Variants in NPNT observed in about 807,000 individuals in gnomAD.
The protein encoded by NPNT is preosteoblast EGF-like repeat protein with MAM domain.
Under a neutral mutation model 68.6 loss-of-function variants are expected in NPNT, and 45 were observed. The observed-to-expected ratio is 0.66, with a 90% CI of 0.52 to 0.84. The LOEUF is 0.84. Among genes scored for constraint, NPNT ranks in the 40% least tolerant of loss-of-function variants. NPNT has a pLI of 0.00. For missense variants in NPNT, 672 were observed against 714.8 expected (o/e 0.94, Z 0.68); for synonymous variants, 233 against 253.3 (o/e 0.92, Z 0.76).
intron 8 of NPNT, among the ~76,000 whole-genome samples, chr4:105,953,533 T>C (rs534208117): frequency 6.6e-6 from 1 of 152,330 alleles, no homozygotes; most frequent in South Asian, 2.1e-4. Flanking sequence ...CCAGCCCTTT[T>C]ATTTGCTTTT....
At chr4:105,920,850 A>G (rs189743591) in intron 2 of NPNT, among the ~76,000 whole-genome samples, 1 of 152,270 alleles carries the variant, frequency 6.6e-6, no homozygotes, top group Admixed American at 6.5e-5. Context: ...TGAGTAATTG[A>G]CATTCGTATT....
At chr4:105,909,732 G>T (rs1727203257) in intron 2 of NPNT, among the ~76,000 whole-genome samples, 1 of 152,142 alleles carries the variant, frequency 6.6e-6, no homozygotes, top group South Asian at 2.1e-4. Flanking sequence ...GAAAATTAAG[G>T]TTGGGGTATG....
At chr4:105,950,483 C>T (rs1213429190) in intron 8 of NPNT, among the ~76,000 whole-genome samples, 2 of 152,086 alleles carry the variant, frequency 1.3e-5, no homozygotes, top group African/African-American at 4.8e-5. Flanking sequence ...GACACAGGCT[C>T]ACTCTTTTAC....
rs187565195 is a variant in NPNT, at chr4:105,968,557, T to C, written c.1603-338T>C. ...TCTTTCAGATCTTTGGCTCCTAATATCTGTTCCTTTATATTCTATCACACT... is the reference window on the plus strand; with the variant it reads ...TCTTTCAGATCTTTGGCTCCTAATACCTGTTCCTTTATATTCTATCACACT... On this transcript the variant is annotated intron_variant, in intron 11 of 11. Coordinates refer to ENST00000379987, the MANE Select transcript of NPNT (RefSeq NM_001033047.3). Among the ~76,000 whole-genome samples, 6 of 152,354 alleles carry C rather than the reference T, an allele frequency of 3.9e-5. No homozygotes were observed. In the East Asian group the frequency reaches 1.2e-3, roughly 29 times the overall value.
chr4:105,919,239 CA>C lies in NPNT; in HGVS notation c.173-8096del, dbSNP rs1202829071. On this transcript the variant is annotated intron_variant, in intron 2 of 11. Coordinates refer to ENST00000379987, the MANE Select transcript of NPNT (RefSeq NM_001033047.3). ...ATATCCTTATTGTTAACGTTTTACA[CA>C]TTTTTTTTTCTCTCTTCCTTCCCGC... 1.0e-3 allele frequency among the ~76,000 whole-genome samples: 154 copies of C among 152,032 alleles called. 1 individual carries two copies. The highest frequency in any genetic ancestry group is 3.5e-3 in the African/African-American group (144 of 41,478).
At chr4:105,947,954 T>C (rs1457935788) in intron 8 of NPNT, among the ~76,000 whole-genome samples, 1 of 152,156 alleles carries the variant, frequency 6.6e-6, no homozygotes, top group Non-Finnish European at 1.5e-5. Flanking sequence ...AATGGCCACA[T>C]AGTGGGCAGT....
Position 105,927,321 on chromosome 4 carries a change from A to G in NPNT, c.173-15A>G, listed in dbSNP as rs777682392. 66 of 1,570,186 alleles carry G rather than the reference A, an allele frequency of 4.2e-5. No individual in the cohort carries two copies. Among genetic ancestry groups the G allele is most frequent in the Non-Finnish European group, 5.6e-5 (64 of 1,141,836 alleles). On this transcript the variant is annotated splice_polypyrimidine_tract_variant and intron_variant, in intron 2 of 11. Coordinates refer to ENST00000379987, the MANE Select transcript of NPNT (RefSeq NM_001033047.3). ...CGTTGACCTAGAAATAATGCATGCC[A>G]TCTTCTTTTCACAGCTGTGTGCCAA... is the stretch of plus-strand genomic sequence containing the variant.
intron 7 of NPNT, among the ~76,000 whole-genome samples, chr4:105,942,069 T>A (rs1468680252): frequency 6.6e-6 from 1 of 151,378 alleles, no homozygotes; most frequent in Admixed American, 6.6e-5. Flanking sequence ...GTTACATACA[T>A]CCAAAGGATG....
intron 2 of NPNT, among the ~76,000 whole-genome samples, chr4:105,898,633 C>T (rs62317721): frequency 0.15 from 23,218 of 152,082 alleles, 1,940 homozygotes; most frequent in Middle Eastern, 0.29. Flanking sequence ...ACTGAAACAA[C>T]ATTATTTGTA....
chr4:105,901,997 G>A (rs1425160073), intron 2 of NPNT, among the ~76,000 whole-genome samples: 2 of 152,260 alleles, frequency 1.3e-5, no homozygotes, highest in East Asian at 3.9e-4. Flanking sequence ...AGTTTGAGCA[G>A]AGAATTTTGA....
intron 8 of NPNT, among the ~76,000 whole-genome samples, chr4:105,948,012 A>T (rs1181902480): frequency 6.6e-6 from 1 of 152,176 alleles, no homozygotes; most frequent in African/African-American, 2.4e-5. Context: ...TATTGGATTT[A>T]ATTTTTTTCA....
At chr4:105,904,302 G>C (rs1726690053) in intron 2 of NPNT, among the ~76,000 whole-genome samples, 1 of 152,178 alleles carries the variant, frequency 6.6e-6, no homozygotes, top group African/African-American at 2.4e-5. Flanking sequence ...AGATACATTT[G>C]TAATTTTTAT....
intron 2 of NPNT, among the ~76,000 whole-genome samples, chr4:105,908,086 T>C (rs910818620): frequency 1.3e-5 from 2 of 152,148 alleles, no homozygotes; most frequent in African/African-American, 4.8e-5. Flanking sequence ...GAAACAGATA[T>C]GAATAATAAA....
At chr4:105,906,351 C>T (rs1225798654) in intron 2 of NPNT, among the ~76,000 whole-genome samples, 1 of 152,198 alleles carries the variant, frequency 6.6e-6, no homozygotes, top group African/African-American at 2.4e-5. Flanking sequence ...GCCACAGCAA[C>T]ATTCCTATCA....
intron 8 of NPNT, among the ~76,000 whole-genome samples, chr4:105,944,474 T>C (rs1382338500): frequency 6.6e-6 from 1 of 152,252 alleles, no homozygotes; most frequent in Admixed American, 6.5e-5. Flanking sequence ...TAAAAAATCC[T>C]TTCTCTTTTT....
chr4:105,931,668 CAAA>C (rs59960189), intron 3 of NPNT, among the ~76,000 whole-genome samples: 3,203 of 99,938 alleles, frequency 0.032, 119 homozygotes, highest in African/African-American at 0.11. Context: ...ACTAAAAATA[CAAA>C]AAAAAAAAAA....
chr4:105,895,915 G>C (rs1725791044), intron 1 of NPNT, 192 bp downstream of exon 1: 2 of 580,568 alleles, frequency 3.4e-6, no homozygotes, highest in East Asian at 6.2e-5. Flanking sequence ...CGGAGAGGGC[G>C]CGCCCTTGCG....
chr4:105,925,276 C>T (rs144915298), intron 2 of NPNT, among the ~76,000 whole-genome samples: 96 of 152,192 alleles, frequency 6.3e-4, no homozygotes, highest in Middle Eastern at 3.4e-3. Context: ...AAGGGCATTT[C>T]CCTATCATTT....
chr4:105,968,933 G>A lies in NPNT; in HGVS notation c.1641G>A (p.Gly547=). Residue 547 remains glycine (G), a synonymous_variant, in exon 12 of 12, where the codon GGG becomes GGA. Transcript: ENST00000379987. ...GTGAAAAAAGGCGTGGTCACACTGG[G>A]GAGATTGGATTAGATGATGTGAGCT... ...FKGEKRRGHT[G]EIGLDDVSLK... 2.5e-6 allele frequency: 4 copies of A among 1,613,230 alleles called. No individual in the cohort carries two copies. The highest frequency in any genetic ancestry group is 1.3e-5 in the African/African-American group (1 of 74,992).
Sources: gnomAD v4.1 joint callset for allele counts (sites outside exome capture counted in the v4.1 genomes callset) on GRCh38, gnomAD v4.1.1 for gene constraint, MANE v1.5 for transcripts, NCBI Gene and HGNC (gene_info 2026-07-23, HGNC 2026-07-21) for gene names.